CPNE9: variants seen among roughly 807,000 people sequenced by gnomAD.
CPNE9 encodes copine-9.
A neutral mutation model predicts 83.0 loss-of-function variants in CPNE9; 59 were observed. The observed-to-expected ratio is 0.71, with a 90% CI of 0.58 to 0.88. CPNE9 has a LOEUF of 0.88. Among genes scored for constraint, CPNE9 ranks in the 40% least tolerant of loss-of-function variants. CPNE9 has a pLI of 0.00. For missense variants in CPNE9, 619 were observed against 720.8 expected, an observed-to-expected ratio of 0.86 and a Z score of 1.62; for synonymous variants, 256 against 273.4, an observed-to-expected ratio of 0.94 and a Z score of 0.63.
At chr3:9,709,200 C>A (rs1352859777) in intron 7 of CPNE9, among the ~76,000 whole-genome samples, 2 of 145,020 alleles carry the variant, frequency 1.4e-5, no homozygotes, top group South Asian at 4.6e-4. Context: ...CGCCTGAACC[C>A]GGGAGGCGGA....
chr3:9,726,641 C>T (rs979000668), intron 18 of CPNE9, 24 bp from the exon 19 acceptor site: 10 of 1,601,626 alleles, frequency 6.2e-6, no homozygotes, highest in Non-Finnish European at 7.7e-6. Flanking sequence ...CTTGCCCCAA[C>T]AGTTCACCCT....
intron 4 of CPNE9, 26 bp from the exon 5 acceptor site, chr3:9,705,438 C>CCCCCCCCCCCGGG: frequency 1.3e-6 from 2 of 1,491,208 alleles, no homozygotes; most frequent in Non-Finnish European, 9.2e-7. Context: ...CAGCCCCACC[C>CCCCCCCCCCCGGG]CACACCGGTT....
chr3:9,721,610 AG>A (rs1196444526), intron 17 of CPNE9, among the ~76,000 whole-genome samples: 4 of 152,188 alleles, frequency 2.6e-5, no homozygotes, highest in Non-Finnish European at 5.9e-5. Flanking sequence ...CTAGAGGACG[AG>A]GTAGACTTTA....
chr3:9,721,193 C>G (rs2076730839), intron 17 of CPNE9, among the ~76,000 whole-genome samples: 1 of 152,156 alleles, frequency 6.6e-6, no homozygotes, highest in African/African-American at 2.4e-5. Flanking sequence ...GTGCAGGAGA[C>G]AGAAATATAA....
At chr3:9,720,508 T>C (rs2076725013) in intron 17 of CPNE9, among the ~76,000 whole-genome samples, 1 of 152,210 alleles carries the variant, frequency 6.6e-6, no homozygotes, top group Non-Finnish European at 1.5e-5. Context: ...TAGATTTATT[T>C]TCTAATTTGC....
At chr3:9,717,430 G>C (rs1344839324) in intron 15 of CPNE9, among the ~76,000 whole-genome samples, 1 of 152,192 alleles carries the variant, frequency 6.6e-6, no homozygotes, top group African/African-American at 2.4e-5. Flanking sequence ...GGGTACATGG[G>C]TTGGTGAGTA....
intron 9 of CPNE9, 57 bp downstream of exon 9, chr3:9,712,885 GGGGAATCTC>G: frequency 6.3e-7 from 1 of 1,574,986 alleles, no homozygotes; most frequent in Non-Finnish European, 8.7e-7. Context: ...TTAACAAGTG[GGGGAATCTC>G]AGGAATCTCT....
chr3:9,720,361 C>T (rs1056790136), intron 17 of CPNE9, among the ~76,000 whole-genome samples: 5 of 151,566 alleles, frequency 3.3e-5, no homozygotes, highest in African/African-American at 9.7e-5. Context: ...TTTCCCCTAG[C>T]GAAGATTTGT....
At position 9,729,564 on chromosome 3, in the gene CPNE9, C is replaced by T; in HGVS notation, c.1534C>T (p.Arg512Ter). ...RSGNQVLSMA[R>*]LAKDVLAEIP... is the part of the protein sequence containing the mutation. ...GGGGAACCAGGTGTTGAGCATGGCC[C>T]GACTGGCCAAGGATGTGCTGGCCGA... The change falls in exon 21 of 21, where the codon CGA becomes TGA. Residue 512 changes from arginine (R) to a stop codon, truncating the protein, a stop_gained. Coordinates refer to ENST00000383832, the MANE Select transcript of CPNE9 (RefSeq NM_153635.3). LOFTEE classifies it high-confidence loss of function. 3.1e-6 allele frequency: 5 copies of T among 1,614,072 alleles called. No homozygotes were observed. The highest frequency in any genetic ancestry group is 4.2e-6 in the Non-Finnish European group (5 of 1,179,988).
chr3:9,715,319 C>A lies in CPNE9; in HGVS notation c.723C>A (p.Ser241Arg). The change falls in exon 12 of 21, where the codon AGC (serine) becomes AGA (arginine). Residue 241 changes from serine (S) to arginine (R), a missense_variant. This residue lies in a region of CPNE9 where 438 missense variants were observed against 562.9 expected (regional missense o/e 0.78). Transcript: ENST00000383832. ...ATTTCATTGGTGAGTTCACCACCAG[C>A]TACCGGGAGCTGAGCAAGGCCCAGA... Reference protein sequence around the residue: ...SHDFIGEFTTSYRELSKAQNQ... With the variant: ...SHDFIGEFTTRYRELSKAQNQ... 6.2e-7 allele frequency: 1 copy of A among 1,614,232 alleles called. No homozygotes were observed. Among genetic ancestry groups the A allele is most frequent in the Non-Finnish European group, 8.5e-7 (1 of 1,180,042 alleles).
rs746197434 is a variant in CPNE9 at position 9,715,481 on chromosome 3, C to A, written c.777C>A (p.Asn259Lys). ...TTACCTCCTCCCCTTAGGTTCTTAA[C>A]CCTCGGAAGAAATGTAAGAAGAAGA... ...QNQFTVYEVLNPRKKCKKKKY... is the reference protein window; with the variant it reads ...QNQFTVYEVLKPRKKCKKKKY... Residue 259 changes from asparagine to lysine, a missense_variant, in exon 13 of 21, where the codon AAC becomes AAA. By Grantham distance (94) the Asn-to-Lys change is moderately conservative. Transcript: ENST00000383832. 1.9e-6 allele frequency: 3 copies of A among 1,613,984 alleles called. No homozygotes were observed. The highest frequency in any genetic ancestry group is 2.5e-6 in the Non-Finnish European group (3 of 1,179,842).
chr3:9,704,507 C>A lies in CPNE9; in HGVS notation c.69-80C>A. On this transcript the variant is annotated intron_variant, in intron 1 of 20. Coordinates refer to ENST00000383832, the MANE Select transcript of CPNE9 (RefSeq NM_153635.3). This position sits in a 1 kb window ranked among gnomAD's most constrained non-coding sequence, Gnocchi z 7.1. ...GTTCGATGCGGGCCCCATGCCTCTC[C>A]TCAGTGCCCGGCTCAGAGCCGACTC... 7.9e-7 allele frequency: 1 copy of A among 1,258,336 alleles called. No homozygotes were observed. Among genetic ancestry groups the A allele is most frequent in the Non-Finnish European group, 1.2e-6 (1 of 855,468 alleles). The allele number at this position is 1,258,336 out of a possible 1,614,324, so 77.9% of individuals were successfully genotyped here. A position where few individuals can be genotyped will look rare whatever the true frequency, so the allele number is the denominator to read the frequency against.
At chr3:9,717,914 A>G in intron 15 of CPNE9, 115 bp from the exon 16 acceptor site, 1 of 800,996 alleles carries the variant, frequency 1.2e-6, no homozygotes, top group Non-Finnish European at 1.9e-6. Context: ...AGGAGGGAGG[A>G]CATGGGTAGA....
chr3:9,729,736 C>T lies in CPNE9; in HGVS notation c.*44C>T, dbSNP rs541727282. 2 of 1,562,712 alleles carry T rather than the reference C, an allele frequency of 1.3e-6. No individual in the cohort carries two copies. The highest frequency in any genetic ancestry group is 2.3e-5 in the East Asian group (1 of 43,934). ...GCCTCACAGTCTGCAAGCCTGCTCA[C>T]CCACTGCTTCTGCTTTAAGCCAGAG... On this transcript the variant is annotated 3_prime_UTR_variant, in exon 21 of 21. Transcript: ENST00000383832.
Position 9,726,527 on chromosome 3 carries a change from T to C in CPNE9, c.1345-138T>C, listed in dbSNP as rs1418010682. 6 of 675,764 alleles carry C rather than the reference T, an allele frequency of 8.9e-6. No individual in the cohort carries two copies. In the East Asian group the frequency reaches 1.5e-4, roughly 17 times the overall value. The allele number at this position is 675,764 out of a possible 1,614,324, so 41.9% of individuals were successfully genotyped here. A position where few individuals can be genotyped will look rare whatever the true frequency, so the allele number is the denominator to read the frequency against. On this transcript the variant is annotated intron_variant, in intron 18 of 20. Transcript: ENST00000383832. ...TAGAAACATCCTTGAAAAAGTAGTC[T>C]GGGGCAGAGAAAATCAAGGTGCCTC...
At chr3:9,717,897 TA>T in intron 15 of CPNE9, 131 bp from the exon 16 acceptor site, 2 of 686,068 alleles carry the variant, frequency 2.9e-6, no homozygotes, top group Non-Finnish European at 2.4e-6. Context: ...GATGATTGGG[TA>T]AAATAAGGAG....
chr3:9,718,541 C>T lies in CPNE9; in HGVS notation c.1180C>T (p.Leu394=), dbSNP rs778840352. The change falls in exon 17 of 21, where the codon CTG becomes TTG. Residue 394 remains leucine (L), a synonymous_variant. Transcript: ENST00000383832. ...TGTGCTGGAGAGCTATTTCCAGAGCCTGCGCACAGTGCAGCTCTATGGGCC... is the reference window on the plus strand; with the variant it reads ...TGTGCTGGAGAGCTATTTCCAGAGCTTGCGCACAGTGCAGCTCTATGGGCC... The part of the protein sequence containing the change: ...EGVLESYFQS[L]RTVQLYGPTY... The T allele has an allele frequency of 6.2e-7, 1 of 1,613,784 alleles. No individual in the cohort carries two copies. The highest frequency in any genetic ancestry group is 1.7e-5 in the Admixed American group (1 of 60,022).
At chr3:9,713,811 C>T (rs2076652381) in intron 10 of CPNE9, among the ~76,000 whole-genome samples, 1 of 152,104 alleles carries the variant, frequency 6.6e-6, no homozygotes, top group Non-Finnish European at 1.5e-5. Context: ...GTGGCTCACA[C>T]ATGTAATCCC....
intron 20 of CPNE9, chr3:9,727,536 T>C (rs1559647447): frequency 1.6e-6 from 1 of 640,694 alleles, no homozygotes; most frequent in African/African-American, 1.8e-5. Context: ...ATAGGTACAG[T>C]AGTCAGGAAA....
Sources: allele counts gnomAD v4.1 joint callset (sites outside exome capture counted in the v4.1 genomes callset), GRCh38; gene constraint gnomAD v4.1.1; regional missense constraint gnomAD v4.1.1; non-coding constraint Gnocchi (gnomAD v3.1); transcripts MANE v1.5; gene names NCBI Gene and HGNC (gene_info 2026-07-23, HGNC 2026-07-21).